CCDC77: variants seen among roughly 807,000 people sequenced by gnomAD.
CCDC77 encodes the protein coiled-coil domain containing 77.
Under a neutral mutation model 66.8 loss-of-function variants are expected in CCDC77, and 56 were observed. The observed-to-expected ratio is 0.84, with a 90% CI of 0.68 to 1.05. The LOEUF is 1.05. CCDC77 is among the 50% of genes least tolerant of loss of function. The pLI, the probability that CCDC77 is intolerant of heterozygous loss-of-function variation, is 0.00. For missense variants in CCDC77, 570 were observed against 576.8 expected (o/e 0.99, Z 0.12); for synonymous variants, 196 against 195.2 (o/e 1.00, Z -0.03).
At chr12:390,218 G>A (rs1385664832) in intron 1 of CCDC77, 2 of 151,022 alleles carry the variant, frequency 1.3e-5, no homozygotes, top group Non-Finnish European at 2.9e-5. Flanking sequence ...CCCGTTACCA[G>A]TATCCTAATT....
At chr12:394,583 C>T (rs1944802563) in intron 1 of CCDC77, among the ~76,000 whole-genome samples, 1 of 152,222 alleles carries the variant, frequency 6.6e-6, no homozygotes, top group Non-Finnish European at 1.5e-5. Flanking sequence ...TAGGCCCTTT[C>T]TCTCATACGA....
intron 2 of CCDC77, among the ~76,000 whole-genome samples, chr12:407,839 G>A (rs1411572818): frequency 2.1e-5 from 3 of 144,838 alleles, no homozygotes; most frequent in Non-Finnish European, 4.5e-5. Flanking sequence ...CCAGGCTGGA[G>A]TGCAATGGCG....
rs1945877263 is a variant in CCDC77, at chr12:442,630, A to G, written c.*710A>G. ...TTAAATTAACTATTTTCAATAAAAT[A>G]TTTCACTCAAAAGATTTTCTTTGAG... On this transcript the variant is annotated 3_prime_UTR_variant, in exon 13 of 13. Coordinates refer to ENST00000239830, the MANE Select transcript of CCDC77 (RefSeq NM_032358.4). 1 of 152,198 alleles carries G rather than the reference A, an allele frequency of 6.6e-6. No homozygotes were observed. Among genetic ancestry groups the G allele is most frequent in the African/African-American group, 2.4e-5 (1 of 41,446 alleles). The allele number at this position is 152,198 out of a possible 1,614,324, so 9.4% of individuals were successfully genotyped here. A position where few individuals can be genotyped will look rare whatever the true frequency, so the allele number is the denominator to read the frequency against.
At chr12:408,080 C>G (rs1265614204) in intron 2 of CCDC77, among the ~76,000 whole-genome samples, 1 of 152,160 alleles carries the variant, frequency 6.6e-6, no homozygotes, top group Non-Finnish European at 1.5e-5. Context: ...AGCCACCGCA[C>G]CCGGCCACAG....
chr12:402,063 T>G (rs1944906191), intron 1 of CCDC77, among the ~76,000 whole-genome samples: 1 of 152,168 alleles, frequency 6.6e-6, no homozygotes, highest in African/African-American at 2.4e-5. Context: ...GATAATAAAT[T>G]GTACAGATTT....
At chr12:401,457 G>A (rs909408066), upstream of CCDC77, 2 of 152,254 alleles carry the variant, frequency 1.3e-5, no homozygotes, top group Non-Finnish European at 2.9e-5. Context: ...CCAGGCAGAA[G>A]AAAACTACAT....
At chr12:428,643 G>T (rs889946321) in intron 5 of CCDC77, 126 bp from the exon 6 acceptor site, 2 of 515,104 alleles carry the variant, frequency 3.9e-6, no homozygotes, top group African/African-American at 2.0e-5. Flanking sequence ...TTAATTTGAG[G>T]TTACTGTTTT....
At chr12:418,898 C>T (rs957752134) in intron 5 of CCDC77, 1 of 362,952 alleles carries the variant, frequency 2.8e-6, no homozygotes, top group Non-Finnish European at 5.1e-6. Flanking sequence ...GGGGTTTTGC[C>T]CTGTCAGCCA....
chr12:431,981 G>C, intron 8 of CCDC77, 27 bp downstream of exon 8: 1 of 1,463,370 alleles, frequency 6.8e-7, no homozygotes, highest in Non-Finnish European at 9.5e-7. Context: ...GGCAGACCAA[G>C]ATGGCTTTTA....
chr12:419,048 G>T (rs1281023954), intron 5 of CCDC77, among the ~76,000 whole-genome samples: 1 of 152,092 alleles, frequency 6.6e-6, no homozygotes, highest in African/African-American at 2.4e-5. Context: ...ATTCTCTTAG[G>T]TTGTATTCTC....
chr12:429,874 A>G lies in CCDC77; in HGVS notation c.511-790A>G, dbSNP rs531349376. ...GGCTTAAGCACCATCCTTCCACTGT[A>G]GCCAGCCTTCCAAGTAGCTGGAACT... On this transcript the variant is annotated intron_variant, in intron 6 of 12. Transcript: ENST00000239830. Among the ~76,000 whole-genome samples the G allele has an allele frequency of 3.3e-5, 5 of 152,310 alleles. No homozygotes were observed. The South Asian group carries it at 1.0e-3, about 32-fold the overall frequency.
chr12:415,768 G>A (rs1027518502), intron 4 of CCDC77, among the ~76,000 whole-genome samples: 5 of 151,500 alleles, frequency 3.3e-5, no homozygotes, highest in South Asian at 2.1e-4. Flanking sequence ...AAGTAGCTGG[G>A]ACTACAGGCA....
chr12:437,251 C>T (rs1204641184), intron 9 of CCDC77, among the ~76,000 whole-genome samples: 1 of 152,110 alleles, frequency 6.6e-6, no homozygotes, highest in Admixed American at 6.5e-5. Context: ...AAGATAGAGA[C>T]GTTGTCTATT....
intron 4 of CCDC77, among the ~76,000 whole-genome samples, chr12:414,025 T>C (rs1359142549): frequency 6.6e-6 from 1 of 151,834 alleles, no homozygotes; most frequent in Non-Finnish European, 1.5e-5. Flanking sequence ...AACTTTTCTC[T>C]TTTTGCCCTT....
rs149213419 is a variant in CCDC77 at position 433,468 on chromosome 12, C to G, written c.821+146C>G. On this transcript the variant is annotated intron_variant, in intron 9 of 12. Coordinates refer to ENST00000239830, the MANE Select transcript of CCDC77 (RefSeq NM_032358.4). ...TCTTCCTCAGAAACCCCCGCCTCTA[C>G]GTAGGTGAGTACCTCGCTTTTCCAG... 5.6e-4 allele frequency: 806 copies of G among 1,435,666 alleles called. 5 individuals carry two copies. In the African/African-American group the frequency reaches 9.0e-3, roughly 16 times the overall value. The allele number at this position is 1,435,666 out of a possible 1,614,324, so 88.9% of individuals were successfully genotyped here. A position where few individuals can be genotyped will look rare whatever the true frequency, so the allele number is the denominator to read the frequency against.
At chr12:431,607 T>C (rs141279289) in intron 7 of CCDC77, among the ~76,000 whole-genome samples, 1 of 152,146 alleles carries the variant, frequency 6.6e-6, no homozygotes, top group South Asian at 2.1e-4. Context: ...AATTTAGTGG[T>C]TGATTCTGCC....
intron 9 of CCDC77, among the ~76,000 whole-genome samples, chr12:436,220 C>A (rs551606999): frequency 6.6e-6 from 1 of 150,422 alleles, no homozygotes; most frequent in African/African-American, 2.4e-5. Context: ...CGGGTTCATG[C>A]CATTCTCCTG....
intron 1 of CCDC77, chr12:389,573 A>AGGCGGAGCGAGGCGGGG (rs1364572907): frequency 2.3e-5 from 1 of 42,622 alleles, no homozygotes; most frequent in East Asian, 2.9e-4. Context: ...GCGAGGCGCA[A>AGGCGGAGCGAGGCGGGG]CGAGGCGGGG....
At chr12:408,281 T>G (rs1302880390) in intron 2 of CCDC77, among the ~76,000 whole-genome samples, 1 of 152,186 alleles carries the variant, frequency 6.6e-6, no homozygotes, top group Non-Finnish European at 1.5e-5. Context: ...GGCATTCCCT[T>G]TCCAGCCATG....
Sources: allele counts gnomAD v4.1 joint callset (sites outside exome capture counted in the v4.1 genomes callset), GRCh38; gene constraint gnomAD v4.1.1; transcripts MANE v1.5; gene names NCBI Gene and HGNC (gene_info 2026-07-23, HGNC 2026-07-21).